Variants in GLI3 observed in about 807,000 individuals in gnomAD.
GLI3 encodes the protein GLI family zinc finger 3.
GLI3 carries 20 observed loss-of-function variants against 100.8 expected under a neutral mutation model. The ratio of observed to expected loss-of-function variants is 0.20; its 90% CI spans 0.14 to 0.29. GLI3 has a LOEUF of 0.29. Among genes scored for constraint, GLI3 ranks in the 10% least tolerant of loss-of-function variants. The pLI, the probability that GLI3 is intolerant of heterozygous loss-of-function variation, is 1.00. For synonymous variants in GLI3, 938 were observed against 860.5 expected (o/e 1.09, Z -1.58); for missense variants, 2,040 against 2,128.5 (o/e 0.96, Z 0.82).
intron 1 of GLI3, among the ~76,000 whole-genome samples, chr7:42,251,173 C>A (rs1442543035): frequency 6.6e-6 from 1 of 152,214 alleles, no homozygotes; most frequent in Non-Finnish European, 1.5e-5. Context: ...GGCCTCTGGT[C>A]CAGCCGCCCC....
intron 4 of GLI3, among the ~76,000 whole-genome samples, chr7:42,048,914 T>G (rs1784299809): frequency 6.6e-6 from 1 of 152,100 alleles, no homozygotes; most frequent in South Asian, 2.1e-4. Flanking sequence ...GAAAATAAAT[T>G]GATCTCTGAG....
chr7:42,219,676 G>C (rs143165619), intron 2 of GLI3, among the ~76,000 whole-genome samples: 127 of 152,246 alleles, frequency 8.3e-4, no homozygotes, highest in African/African-American at 2.9e-3. Flanking sequence ...TGGCTGGGAA[G>C]CTCACAATGA....
intron 2 of GLI3, among the ~76,000 whole-genome samples, chr7:42,202,761 G>A (rs1031410798): frequency 2.6e-5 from 4 of 152,092 alleles, no homozygotes; most frequent in Admixed American, 6.6e-5. Context: ...TGTTTTCTCC[G>A]CTCTGTTAGA....
chr7:42,213,758 CA>C (rs1465437430), intron 2 of GLI3, among the ~76,000 whole-genome samples: 1 of 152,240 alleles, frequency 6.6e-6, no homozygotes, highest in Non-Finnish European at 1.5e-5. Context: ...GAAACCTTAT[CA>C]GGGGCTACAA....
intron 7 of GLI3, among the ~76,000 whole-genome samples, chr7:42,031,265 T>C (rs893988236): frequency 3.9e-5 from 6 of 152,244 alleles, no homozygotes; most frequent in African/African-American, 1.2e-4. Flanking sequence ...ATATGAAAGA[T>C]GGGGTAATTT....
chr7:42,182,016 G>C (rs1243031458), intron 2 of GLI3, among the ~76,000 whole-genome samples: 1 of 152,096 alleles, frequency 6.6e-6, no homozygotes, highest in Non-Finnish European at 1.5e-5. Flanking sequence ...CTGTAAGTTT[G>C]TCTGTAAGAA....
At chr7:42,052,915 T>C (rs1004415695) in intron 4 of GLI3, among the ~76,000 whole-genome samples, 25 of 152,344 alleles carry the variant, frequency 1.6e-4, no homozygotes, top group African/African-American at 5.5e-4. Flanking sequence ...AAATAGTCTT[T>C]AAATAAAGGT....
intron 2 of GLI3, among the ~76,000 whole-genome samples, chr7:42,193,711 C>T (rs1198252661): frequency 1.3e-5 from 2 of 152,086 alleles, no homozygotes; most frequent in Non-Finnish European, 2.9e-5. Context: ...CTCATGGTTT[C>T]CTGGATATAA....
At chr7:42,059,998 A>G (rs1784535952) in intron 4 of GLI3, among the ~76,000 whole-genome samples, 1 of 152,224 alleles carries the variant, frequency 6.6e-6, no homozygotes, top group African/African-American at 2.4e-5. Flanking sequence ...CACCAGTTGC[A>G]AGGTCTTGGG....
intron 7 of GLI3, among the ~76,000 whole-genome samples, chr7:42,037,698 C>A (rs1784043331): frequency 6.6e-6 from 1 of 152,186 alleles, no homozygotes; most frequent in Admixed American, 6.5e-5. Context: ...ACTGTCACAG[C>A]CTCCAAGGAC....
chr7:42,152,847 G>A (rs975143333), intron 2 of GLI3, among the ~76,000 whole-genome samples: 2 of 152,148 alleles, frequency 1.3e-5, no homozygotes, highest in African/African-American at 4.8e-5. Context: ...GGATTGTACA[G>A]GAATGCATAT....
At chr7:42,058,649 G>A (rs1357644363) in intron 4 of GLI3, among the ~76,000 whole-genome samples, 2 of 152,188 alleles carry the variant, frequency 1.3e-5, no homozygotes, top group African/African-American at 4.8e-5. Context: ...ATTAACTTTG[G>A]AGGGGGCAGG....
At chr7:41,969,846 C>G (rs923657538) in intron 13 of GLI3, among the ~76,000 whole-genome samples, 1 of 152,204 alleles carries the variant, frequency 6.6e-6, no homozygotes, top group Non-Finnish European at 1.5e-5. Flanking sequence ...TGGTGCACAT[C>G]TGGTCTAAGG....
At chr7:42,160,868 C>G (rs1340855506) in intron 2 of GLI3, among the ~76,000 whole-genome samples, 1 of 152,160 alleles carries the variant, frequency 6.6e-6, no homozygotes, top group Non-Finnish European at 1.5e-5. Flanking sequence ...TGCTGTTTTA[C>G]AACCAGAAAA....
rs369278164 is a variant in GLI3, at chr7:41,965,202, C to T, written c.3871G>A (p.Gly1291Ser). 5.0e-6 allele frequency: 8 copies of T among 1,613,852 alleles called. No homozygotes were observed. The highest frequency in any genetic ancestry group is 1.3e-5 in the African/African-American group (1 of 75,058). The change falls in exon 15 of 15, where the codon GGC (glycine) becomes AGC (serine). Residue 1291 changes from glycine (G) to serine (S), a missense_variant. Physicochemically the swap from Gly to Ser is moderately conservative, Grantham distance 56 (BLOSUM62 0). Coordinates refer to ENST00000395925, the MANE Select transcript of GLI3 (RefSeq NM_000168.6). ...LKSTPMQGSGGQLNFGLPVAP... is the reference protein window; with the variant it reads ...LKSTPMQGSGSQLNFGLPVAP... The stretch of plus-strand genomic sequence containing the variant: ...ACCGGCAGGCCGAAATTCAGCTGGC[C>T]CCCGCTCCCTTGCATGGGGGTGCTC...
At chr7:42,234,600 C>A (rs1004100231) in intron 1 of GLI3, among the ~76,000 whole-genome samples, 4 of 152,128 alleles carry the variant, frequency 2.6e-5, no homozygotes, top group Middle Eastern at 3.2e-3. Flanking sequence ...AAGGTTCAGT[C>A]AAGGAACACA....
chr7:42,222,626 A>G (rs1788506938), intron 2 of GLI3, among the ~76,000 whole-genome samples: 1 of 152,222 alleles, frequency 6.6e-6, no homozygotes, highest in South Asian at 2.1e-4. Context: ...AGCTAACAAC[A>G]AAACCTGCAT....
chr7:42,108,112 T>C (rs1301070812), intron 3 of GLI3, among the ~76,000 whole-genome samples: 1 of 152,170 alleles, frequency 6.6e-6, no homozygotes, highest in African/African-American at 2.4e-5. Flanking sequence ...GTGCACACAA[T>C]GTCAAATATC....
intron 3 of GLI3, among the ~76,000 whole-genome samples, chr7:42,087,939 G>T (rs1005013571): frequency 2.0e-5 from 3 of 151,998 alleles, no homozygotes; most frequent in Non-Finnish European, 4.4e-5. Context: ...TTGTTTTAAG[G>T]GTTTCTTTCA....
Sources: gnomAD v4.1 joint callset for allele counts (sites outside exome capture counted in the v4.1 genomes callset) on GRCh38, gnomAD v4.1.1 for gene constraint, MANE v1.5 for transcripts, NCBI Gene and HGNC (gene_info 2026-07-23, HGNC 2026-07-21) for gene names.